Variants in CADPS observed in about 807,000 individuals in gnomAD.
The protein encoded by CADPS is calcium dependent secretion activator.
Under a neutral mutation model 167.3 loss-of-function variants are expected in CADPS, and 57 were observed. That is an observed-to-expected ratio of 0.34 (90% CI 0.28 to 0.42). The LOEUF (loss-of-function observed/expected upper bound fraction) is 0.42, where lower values mean the gene tolerates loss of function less well. Among genes scored for constraint, CADPS ranks in the 20% least tolerant of loss-of-function variants. CADPS has a pLI of 1.00. For missense variants in CADPS, 1,414 were observed against 1,738.1 expected (o/e 0.81, Z 3.32); for synonymous variants, 676 against 635.3 (o/e 1.06, Z -0.96).
intron 3 of CADPS, among the ~76,000 whole-genome samples, chr3:62,708,381 A>G (rs1313804740): frequency 6.6e-6 from 1 of 152,158 alleles, no homozygotes; most frequent in Admixed American, 6.5e-5. Flanking sequence ...TTTAGTACAT[A>G]TCCAACATTG....
At chr3:62,712,005 T>C (rs2083485285) in intron 3 of CADPS, among the ~76,000 whole-genome samples, 1 of 152,192 alleles carries the variant, frequency 6.6e-6, no homozygotes, top group Admixed American at 6.6e-5. Context: ...ATTTACACTT[T>C]AAAATATATA....
At chr3:62,740,940 A>C (rs970857395) in intron 3 of CADPS, among the ~76,000 whole-genome samples, 1 of 152,210 alleles carries the variant, frequency 6.6e-6, no homozygotes, top group Non-Finnish European at 1.5e-5. Context: ...TTGACTTTTT[A>C]ACAGTTAGAA....
At chr3:62,574,272 G>A (rs1312120660) in intron 8 of CADPS, among the ~76,000 whole-genome samples, 1 of 152,180 alleles carries the variant, frequency 6.6e-6, no homozygotes, top group Non-Finnish European at 1.5e-5. Context: ...ATATGAATGG[G>A]AAACTATGGC....
intron 17 of CADPS, among the ~76,000 whole-genome samples, chr3:62,503,045 C>A (rs1249063643): frequency 1.3e-5 from 2 of 151,720 alleles, no homozygotes; most frequent in Admixed American, 6.6e-5. Context: ...ACCAGTGTCA[C>A]CAGCAACCCC....
intron 5 of CADPS, among the ~76,000 whole-genome samples, chr3:62,646,744 A>G (rs1563294848): frequency 6.6e-6 from 1 of 152,126 alleles, no homozygotes; most frequent in Non-Finnish European, 1.5e-5. Context: ...GTTACCAGAT[A>G]CTCCAATTTT....
intron 1 of CADPS, among the ~76,000 whole-genome samples, chr3:62,812,805 C>G (rs2094448505): frequency 6.6e-6 from 1 of 152,136 alleles, no homozygotes; most frequent in African/African-American, 2.4e-5. Flanking sequence ...CAAGGGCATG[C>G]CTCTCCAGGC....
At chr3:62,739,206 A>G (rs1053436803) in intron 3 of CADPS, among the ~76,000 whole-genome samples, 1 of 152,126 alleles carries the variant, frequency 6.6e-6, no homozygotes, top group Non-Finnish European at 1.5e-5. Flanking sequence ...ACCCTGTCCA[A>G]TGGCCATGTG....
chr3:62,775,212 A>ATTTT (rs1460122337), intron 1 of CADPS, among the ~76,000 whole-genome samples: 1 of 38,208 alleles, frequency 2.6e-5, no homozygotes, highest in African/African-American at 9.5e-5. Flanking sequence ...CAATTTTTGT[A>ATTTT]TTTTTGTATT....
intron 6 of CADPS, among the ~76,000 whole-genome samples, chr3:62,605,958 T>A (rs1021320865): frequency 3.9e-5 from 6 of 152,104 alleles, no homozygotes; most frequent in African/African-American, 1.4e-4. Flanking sequence ...TGAATTTGGG[T>A]CTGATTTTTT....
At chr3:62,628,048 G>A (rs1447638398) in intron 6 of CADPS, among the ~76,000 whole-genome samples, 2 of 152,192 alleles carry the variant, frequency 1.3e-5, no homozygotes, top group Admixed American at 6.6e-5. Context: ...TATTGTGGGT[G>A]AAGTAGAGTG....
At chr3:62,679,216 G>A (rs774254121) in intron 3 of CADPS, among the ~76,000 whole-genome samples, 10 of 152,196 alleles carry the variant, frequency 6.6e-5, no homozygotes, top group Non-Finnish European at 1.2e-4. Flanking sequence ...GAGACAGCCC[G>A]CTGGAGTGGG....
At chr3:62,776,852 C>CGA (rs1049587377) in intron 1 of CADPS, among the ~76,000 whole-genome samples, 2 of 151,642 alleles carry the variant, frequency 1.3e-5, no homozygotes, top group African/African-American at 4.8e-5. Flanking sequence ...GGAGAAAAGG[C>CGA]GAGAGAGAGA....
At chr3:62,743,826 C>T (rs976025544) in intron 3 of CADPS, among the ~76,000 whole-genome samples, 1 of 152,158 alleles carries the variant, frequency 6.6e-6, no homozygotes, top group Non-Finnish European at 1.5e-5. Context: ...TTCAACTAAG[C>T]TTTCTTTTCC....
chr3:62,794,271 ATT>A (rs1166356431), intron 1 of CADPS, among the ~76,000 whole-genome samples: 1 of 152,148 alleles, frequency 6.6e-6, no homozygotes, highest in Non-Finnish European at 1.5e-5. Flanking sequence ...AACTAGATAC[ATT>A]TGTTATAATA....
chr3:62,513,557 T>C (rs1261257082), intron 16 of CADPS: 11 of 893,068 alleles, frequency 1.2e-5, no homozygotes, highest in Non-Finnish European at 1.9e-5. Context: ...GGAGAGTGAG[T>C]TGGTTTGGAT....
At chr3:62,567,559 C>T (rs960846828) in intron 9 of CADPS, among the ~76,000 whole-genome samples, 6 of 129,032 alleles carry the variant, frequency 4.7e-5, no homozygotes, top group Admixed American at 8.8e-5. Context: ...CATGACTAAG[C>T]ACTGCTTTTT....
At chr3:62,450,316 C>T (rs967551784) in intron 26 of CADPS, among the ~76,000 whole-genome samples, 1 of 152,198 alleles carries the variant, frequency 6.6e-6, no homozygotes, top group East Asian at 1.9e-4. Context: ...AGTGAGAGGG[C>T]AGTTCCCCAG....
intron 13 of CADPS, among the ~76,000 whole-genome samples, chr3:62,526,336 G>T (rs1007795260): frequency 6.6e-6 from 1 of 152,118 alleles, no homozygotes; most frequent in Non-Finnish European, 1.5e-5. Flanking sequence ...GATTGCGGCG[G>T]TTGGCATTAT....
At chr3:62,452,064 T>C (rs1339441556) in intron 26 of CADPS, among the ~76,000 whole-genome samples, 1 of 152,198 alleles carries the variant, frequency 6.6e-6, no homozygotes, top group Non-Finnish European at 1.5e-5. Context: ...GAATGAACTT[T>C]AGAGAATGGC....
Sources: allele counts gnomAD v4.1 joint callset (sites outside exome capture counted in the v4.1 genomes callset), GRCh38; gene constraint gnomAD v4.1.1; transcripts MANE v1.5; gene names NCBI Gene and HGNC (gene_info 2026-07-23, HGNC 2026-07-21).